The following MAST4 variants were observed in gnomAD, a reference collection of about 807,000 sequenced individuals.
MAST4 encodes the protein microtubule-associated serine/threonine-protein kinase 4.
In MAST4, 89 loss-of-function variants were observed where a neutral mutation model predicts 162.7. The ratio of observed to expected loss-of-function variants is 0.55; its 90% confidence interval spans 0.46 to 0.65. The LOEUF (loss-of-function observed/expected upper bound fraction) is 0.65. MAST4 is among the 30% of genes least tolerant of loss of function. MAST4 has a pLI of 0.00. For synonymous variants in MAST4, 1,479 were observed against 1,361.1 expected (o/e 1.09, Z -1.91); for missense variants, 3,153 against 3,374.0 (o/e 0.93, Z 1.62).
chr5:66,643,069 T>C (rs546704765), intron 1 of MAST4, among the ~76,000 whole-genome samples: 1 of 152,310 alleles, frequency 6.6e-6, no homozygotes, highest in African/African-American at 2.4e-5. Flanking sequence ...AAAAAATATA[T>C]ATGGCTGACA....
intron 2 of MAST4, among the ~76,000 whole-genome samples, chr5:66,780,795 C>T (rs556502628): frequency 8.3e-4 from 127 of 152,274 alleles, no homozygotes; most frequent in African/African-American, 2.9e-3. Context: ...TTTAGCTAGA[C>T]CCAGAGTGCT....
rs70987147 is a variant in MAST4 at position 66,915,266 on chromosome 5, C to CAAAAAAA, written c.674+15300_674+15306dup. 8.0e-4 allele frequency among the ~76,000 whole-genome samples: 67 copies of CAAAAAAA among 83,614 alleles called. 1 individual carries two copies. Among genetic ancestry groups the CAAAAAAA allele is most frequent in the Non-Finnish European group, 1.2e-3 (48 of 39,870 alleles). The allele number at this position is 83,614 out of a possible 152,430, so 54.9% of individuals were successfully genotyped here. On this transcript the variant is annotated intron_variant, in intron 4 of 28. Transcript: ENST00000403625. ...GGGCTTCAGAGTGAGACTCTTGTCT[C>CAAAAAAA]AAAAAAAAAAAAAAAAAAAAAATCA...
chr5:66,974,068 C>T (rs1009873771), intron 4 of MAST4, among the ~76,000 whole-genome samples: 1 of 152,180 alleles, frequency 6.6e-6, no homozygotes, highest in African/African-American at 2.4e-5. Flanking sequence ...CTCTCCTTCA[C>T]TTCCTTAGCA....
chr5:67,154,745 T>A (rs1440230027), intron 26 of MAST4, among the ~76,000 whole-genome samples: 3 of 152,186 alleles, frequency 2.0e-5, no homozygotes, highest in Non-Finnish European at 2.9e-5. Context: ...CCAAAGAACA[T>A]CCTGCCTGTG....
intron 4 of MAST4, among the ~76,000 whole-genome samples, chr5:67,044,952 C>G (rs1257502520): frequency 6.6e-6 from 1 of 152,220 alleles, no homozygotes; most frequent in Non-Finnish European, 1.5e-5. Flanking sequence ...GCATCCAGCA[C>G]CACAGACTTC....
intron 1 of MAST4, among the ~76,000 whole-genome samples, chr5:66,644,439 C>T: frequency 6.6e-6 from 1 of 152,206 alleles, no homozygotes; most frequent in Non-Finnish European, 1.5e-5. Flanking sequence ...CCATTTTTCT[C>T]TAGTTGCTTT....
rs774001140 is a variant in MAST4 at position 67,166,031 on chromosome 5, C to G, written c.6852C>G (p.Ala2284=). 3.1e-6 allele frequency: 5 copies of G among 1,612,378 alleles called. No individual in the cohort carries two copies. The highest frequency in any genetic ancestry group is 1.7e-4 in the Middle Eastern group (1 of 6,058). The stretch of plus-strand genomic sequence containing the variant: ...ACACTGACAGGGCTCCTCTAGACGC[C>G]AAGCCACAACCCACCAGTGGTGGGC... ...PLHTDRAPLD[A]KPQPTSGGRP... is the part of the protein sequence containing the mutation. Residue 2284 remains alanine, a synonymous_variant, in exon 29 of 29, where the codon GCC becomes GCG. Coordinates refer to ENST00000403625, the MANE Select transcript of MAST4 (RefSeq NM_001164664.2).
At chr5:66,979,453 A>T (rs1748520002) in intron 4 of MAST4, among the ~76,000 whole-genome samples, 1 of 152,180 alleles carries the variant, frequency 6.6e-6, no homozygotes, top group Non-Finnish European at 1.5e-5. Flanking sequence ...GAGTTCAGTT[A>T]ACTAGGGAGT....
At chr5:66,746,444 G>A (rs182467084) in intron 1 of MAST4, among the ~76,000 whole-genome samples, 93 of 152,288 alleles carry the variant, frequency 6.1e-4, no homozygotes, top group African/African-American at 2.0e-3. Flanking sequence ...CTCCTAATGA[G>A]CTGAGAGCTG....
Position 66,628,389 on chromosome 5 carries a change from T to A in MAST4, c.363+31371T>A, listed in dbSNP as rs567171977. On this transcript the variant is annotated intron_variant, in intron 1 of 28. Transcript: ENST00000403625. Reference sequence around the variant, plus strand: ...CTCCAGAACTGTAAAATAAGGTCATTGTGAGTAGATCAAAGATGTAGGGGG... The same window carrying A: ...CTCCAGAACTGTAAAATAAGGTCATAGTGAGTAGATCAAAGATGTAGGGGG... Among the ~76,000 whole-genome samples, 5 of 151,506 alleles carry A rather than the reference T, an allele frequency of 3.3e-5. 1 individual carries two copies. In the South Asian group the frequency reaches 1.0e-3, roughly 32 times the overall value.
intron 4 of MAST4, among the ~76,000 whole-genome samples, chr5:66,915,019 T>A (rs1213622404): frequency 1.3e-5 from 2 of 151,846 alleles, no homozygotes; most frequent in Non-Finnish European, 2.9e-5. Context: ...TCCCAGCACT[T>A]TGGGAGGCAG....
At chr5:66,719,425 T>C (rs1454260369) in intron 1 of MAST4, among the ~76,000 whole-genome samples, 1 of 152,224 alleles carries the variant, frequency 6.6e-6, no homozygotes, top group Non-Finnish European at 1.5e-5. Context: ...TTGTAAACTA[T>C]CAGCTGAGTA....
intron 3 of MAST4, among the ~76,000 whole-genome samples, chr5:66,797,465 C>A (rs1755705993): frequency 6.6e-6 from 1 of 152,158 alleles, no homozygotes; most frequent in South Asian, 2.1e-4. Flanking sequence ...AAGCTTCAGT[C>A]TACTCTGGGA....
intron 1 of MAST4, among the ~76,000 whole-genome samples, chr5:66,653,005 C>T (rs930405630): frequency 2.0e-5 from 3 of 152,178 alleles, no homozygotes; most frequent in Admixed American, 6.5e-5. Context: ...TAGGTCATAT[C>T]ATAGCCTATG....
chr5:66,881,053 A>G (rs1761660383), intron 3 of MAST4, among the ~76,000 whole-genome samples: 1 of 152,214 alleles, frequency 6.6e-6, no homozygotes, highest in Non-Finnish European at 1.5e-5. Context: ...GACTCTACTC[A>G]TGTAATCAGC....
chr5:66,939,747 G>GT lies in MAST4; in HGVS notation c.674+39776dup, dbSNP rs1162292177. Among the ~76,000 whole-genome samples the GT allele has an allele frequency of 3.5e-3, 499 of 143,832 alleles. 1 individual carries two copies. Among genetic ancestry groups the GT allele is most frequent in the African/African-American group, 9.6e-3 (381 of 39,646 alleles). The allele number at this position is 143,832 out of a possible 152,430, so 94.4% of individuals were successfully genotyped here. On this transcript the variant is annotated intron_variant, in intron 4 of 28. Coordinates refer to ENST00000403625, the MANE Select transcript of MAST4 (RefSeq NM_001164664.2). ...ACCTCAGAGATATTGCTGGGTTTTT[G>GT]TTTTTTTTTTTCCCCAGACCACTGC... is the stretch of plus-strand genomic sequence containing the variant.
chr5:66,962,824 A>G (rs534389710), intron 4 of MAST4, among the ~76,000 whole-genome samples: 62 of 152,358 alleles, frequency 4.1e-4, no homozygotes, highest in Non-Finnish European at 1.3e-4. Context: ...GCTAATTTTT[A>G]CTTTGATTTT....
At chr5:66,819,568 A>T (rs538404388) in intron 3 of MAST4, among the ~76,000 whole-genome samples, 2 of 152,218 alleles carry the variant, frequency 1.3e-5, no homozygotes, top group African/African-American at 2.4e-5. Flanking sequence ...ATTAATTCAC[A>T]TGAGGGATTC....
chr5:66,817,771 TATC>T (rs1445914046), intron 3 of MAST4, among the ~76,000 whole-genome samples: 1 of 152,222 alleles, frequency 6.6e-6, no homozygotes, highest in East Asian at 1.9e-4. Flanking sequence ...GCATTAATGA[TATC>T]ATTAAGATTA....
Sources: gnomAD v4.1 joint callset for allele counts (sites outside exome capture counted in the v4.1 genomes callset) on GRCh38, gnomAD v4.1.1 for gene constraint, MANE v1.5 for transcripts, NCBI Gene and HGNC (gene_info 2026-07-23, HGNC 2026-07-21) for gene names.